The following LRRC4C variants were observed in gnomAD, a reference collection of about 807,000 sequenced individuals.
LRRC4C encodes the protein leucine rich repeat containing 4C.
Under a neutral mutation model 33.6 loss-of-function variants are expected in LRRC4C, and 5 were observed. The observed-to-expected ratio is 0.15, with a 90% CI of 0.08 to 0.31. The LOEUF is 0.31. Ranked by LOEUF, LRRC4C falls within the 10% of genes least tolerant of loss-of-function variation. LRRC4C has a pLI of 1.00. For synonymous variants in LRRC4C, 329 were observed against 302.0 expected, an observed-to-expected ratio of 1.09 and a Z score of -0.93; for missense variants, 560 against 796.7, an observed-to-expected ratio of 0.70 and a Z score of 3.58.
chr11:40,438,179 C>T (rs942985123), intron 3 of LRRC4C, among the ~76,000 whole-genome samples: 1 of 152,202 alleles, frequency 6.6e-6, no homozygotes. Context: ...GGTCCCACTG[C>T]GGGCCCTTGC....
intron 1 of LRRC4C, among the ~76,000 whole-genome samples, chr11:41,125,691 T>C (rs1419370154): frequency 6.6e-6 from 1 of 152,196 alleles, no homozygotes; most frequent in African/African-American, 2.4e-5. Context: ...CTTCATGAGT[T>C]GCTTTAGACC....
At chr11:41,237,091 C>T (rs1271581228) in intron 1 of LRRC4C, among the ~76,000 whole-genome samples, 1 of 152,166 alleles carries the variant, frequency 6.6e-6, no homozygotes, top group Non-Finnish European at 1.5e-5. Context: ...TAAAATGTTT[C>T]TAAAAGTAGA....
intron 1 of LRRC4C, among the ~76,000 whole-genome samples, chr11:41,154,429 C>G (rs543991485): frequency 1.4e-4 from 21 of 151,884 alleles, no homozygotes; most frequent in Non-Finnish European, 2.2e-4. Flanking sequence ...TCATTGCTTA[C>G]GGAAAAGACC....
At chr11:40,478,126 A>G (rs570658008) in intron 3 of LRRC4C, among the ~76,000 whole-genome samples, 8 of 152,254 alleles carry the variant, frequency 5.3e-5, no homozygotes, top group Non-Finnish European at 8.8e-5. Context: ...TTCTTTTGCA[A>G]ATTTCCCAAT....
chr11:41,186,383 T>G (rs1216793328), intron 1 of LRRC4C, among the ~76,000 whole-genome samples: 2 of 152,204 alleles, frequency 1.3e-5, no homozygotes, highest in East Asian at 3.8e-4. Flanking sequence ...AAAAATTTTA[T>G]AACCATATTT....
At chr11:41,351,800 A>T (rs764900509) in intron 1 of LRRC4C, among the ~76,000 whole-genome samples, 1 of 152,234 alleles carries the variant, frequency 6.6e-6, no homozygotes, top group Non-Finnish European at 1.5e-5. Flanking sequence ...AGCAAAGGTG[A>T]AATAAAATAT....
chr11:40,375,185 A>T (rs1440599093), intron 3 of LRRC4C, among the ~76,000 whole-genome samples: 1 of 152,280 alleles, frequency 6.6e-6, no homozygotes, highest in East Asian at 1.9e-4. Context: ...TTGTTTTATT[A>T]CCAACATATC....
intron 2 of LRRC4C, among the ~76,000 whole-genome samples, chr11:40,787,967 T>G (rs972884693): frequency 1.3e-5 from 2 of 152,184 alleles, no homozygotes; most frequent in Non-Finnish European, 2.9e-5. Flanking sequence ...TTATTACCAT[T>G]TTGCATCTTC....
chr11:40,876,969 T>C (rs1954926105), intron 2 of LRRC4C, among the ~76,000 whole-genome samples: 1 of 151,120 alleles, frequency 6.6e-6, no homozygotes, highest in Non-Finnish European at 1.5e-5. Flanking sequence ...GCCAGTGATC[T>C]ACCTTTAGAA....
At chr11:40,848,246 T>G (rs186810232) in intron 2 of LRRC4C, among the ~76,000 whole-genome samples, 292 of 152,316 alleles carry the variant, frequency 1.9e-3, no homozygotes, top group Non-Finnish European at 3.5e-3. Flanking sequence ...TGTTAGCGTG[T>G]CGATTTTAGA....
chr11:41,157,138 G>C (rs1944267990), intron 1 of LRRC4C, among the ~76,000 whole-genome samples: 2 of 152,058 alleles, frequency 1.3e-5, no homozygotes, highest in African/African-American at 4.8e-5. Flanking sequence ...AGAACTGACA[G>C]AAGTAAATTT....
At chr11:40,565,565 G>T (rs1957723391) in intron 3 of LRRC4C, among the ~76,000 whole-genome samples, 2 of 152,110 alleles carry the variant, frequency 1.3e-5, no homozygotes, top group East Asian at 1.9e-4. Flanking sequence ...TGTAGTCAGG[G>T]CTCTTCCTAC....
intron 1 of LRRC4C, among the ~76,000 whole-genome samples, chr11:41,204,158 A>T (rs1416626273): frequency 6.6e-6 from 1 of 152,224 alleles, no homozygotes; most frequent in Non-Finnish European, 1.5e-5. Context: ...TTGGAGACAG[A>T]GTATTATCCT....
chr11:40,557,780 GATAA>G lies in LRRC4C; in HGVS notation c.-270+90358_-270+90361del, dbSNP rs141628456. On this transcript the variant is annotated intron_variant, in intron 3 of 6. Transcript: ENST00000528697. ...TCCAACAATGACTGATATTATTAAA[GATAA>G]ATAAAGCAGAGAAGTGAATCCTATG... 2.7e-3 allele frequency among the ~76,000 whole-genome samples: 408 copies of G among 152,094 alleles called. 1 individual carries two copies. Among genetic ancestry groups the G allele is most frequent in the African/African-American group, 9.4e-3 (390 of 41,512 alleles).
intron 1 of LRRC4C, among the ~76,000 whole-genome samples, chr11:41,260,574 A>C (rs1022615440): frequency 6.6e-6 from 1 of 151,832 alleles, no homozygotes; most frequent in African/African-American, 2.4e-5. Flanking sequence ...ACAGGAAAAA[A>C]TATATATAAT....
chr11:41,023,085 TA>T, intron 1 of LRRC4C, among the ~76,000 whole-genome samples: 1 of 151,644 alleles, frequency 6.6e-6, no homozygotes, highest in Non-Finnish European at 1.5e-5. Flanking sequence ...TATTGAAAAA[TA>T]AAATAAATAG....
At chr11:40,147,405 T>A (rs1462975576) in intron 5 of LRRC4C, among the ~76,000 whole-genome samples, 2 of 152,100 alleles carry the variant, frequency 1.3e-5, no homozygotes, top group East Asian at 3.9e-4. Context: ...AACTATCCAA[T>A]CTCCCAGAGC....
chr11:40,703,214 G>C (rs1945964669), intron 2 of LRRC4C, among the ~76,000 whole-genome samples: 1 of 151,924 alleles, frequency 6.6e-6, no homozygotes, highest in African/African-American at 2.4e-5. Flanking sequence ...CAATGCCCAA[G>C]ACAGGCCCTC....
In LRRC4C at chr11:40,680,273, G is replaced by A. The variant is rs573253827; in HGVS notation, c.-406-31995C>T. On this transcript the variant is annotated intron_variant, in intron 2 of 6. Coordinates refer to ENST00000528697, the MANE Select transcript of LRRC4C (RefSeq NM_001258419.2). ...TTGCTTTTGATTTTACAGGCTTACA[G>A]GTGGAAGGTATTCACCTTGTCTTGG... Among the ~76,000 whole-genome samples, 3 of 152,332 alleles carry A rather than the reference G, an allele frequency of 2.0e-5. No homozygotes were observed. In the East Asian group the frequency reaches 5.8e-4, roughly 29 times the overall value.
Sources: allele counts gnomAD v4.1 joint callset (sites outside exome capture counted in the v4.1 genomes callset), GRCh38; gene constraint gnomAD v4.1.1; transcripts MANE v1.5; gene names NCBI Gene and HGNC (gene_info 2026-07-23, HGNC 2026-07-21).